PC: variants seen among roughly 807,000 people sequenced by gnomAD.
PC encodes the protein pyruvate carboxylase, mitochondrial.
In PC, 46 loss-of-function variants were observed where a neutral mutation model predicts 107.8. The ratio of observed to expected loss-of-function variants is 0.43; its 90% confidence interval spans 0.34 to 0.55. The LOEUF (loss-of-function observed/expected upper bound fraction) is 0.55, where lower values mean the gene tolerates loss of function less well. PC is among the 20% of genes least tolerant of loss of function. PC has a pLI of 0.04. For synonymous variants in PC, 662 were observed against 684.7 expected (o/e 0.97, Z 0.52); for missense variants, 1,241 against 1,643.1 (o/e 0.76, Z 4.23).
Position 66,849,768 on chromosome 11 carries a change from C to T in PC, c.2990G>A (p.Arg997Gln), listed in dbSNP as rs369282319. The change falls in exon 21 of 23, where the codon CGG becomes CAG. Residue 997 changes from arginine to glutamine, a missense_variant. Coordinates refer to ENST00000393960, the MANE Select transcript of PC (RefSeq NM_001040716.2). ...LQALEKELVDRHGEEVTPEDV... is the reference protein window; with the variant it reads ...LQALEKELVDQHGEEVTPEDV... The stretch of plus-strand genomic sequence containing the variant: ...TTCCGGCGTCACCTCCTCCCCATGC[C>T]GGTCTACCAGCTCCTTCTCCAGTGC... 2.0e-5 allele frequency: 32 copies of T among 1,614,046 alleles called. No individual in the cohort carries two copies. The highest frequency in any genetic ancestry group is 1.6e-4 in the Middle Eastern group (1 of 6,084).
At chr11:66,905,880 C>T (rs1486120997) in intron 3 of PC, among the ~76,000 whole-genome samples, 1 of 152,106 alleles carries the variant, frequency 6.6e-6, no homozygotes, top group African/African-American at 2.4e-5. Context: ...CAGGGCATCA[C>T]CACTCACCTG....
intron 12 of PC, among the ~76,000 whole-genome samples, chr11:66,863,113 G>A (rs1463961457): frequency 8.5e-5 from 13 of 152,158 alleles, no homozygotes; most frequent in African/African-American, 1.7e-4. Context: ...AGGTCAAGGC[G>A]GGTGGAACAC....
chr11:66,934,478 C>A (rs1390586684), intron 3 of PC: 1 of 154,160 alleles, frequency 6.5e-6, no homozygotes, highest in African/African-American at 2.4e-5. Flanking sequence ...GAAGGAAGGT[C>A]TTACTGCCCT....
Position 66,857,837 on chromosome 11 carries a change from C to T in PC, c.1369-4454G>A. ...GCCAGAACCTGTCCGAGTCGCTCAG[C>T]ACCCTCTGTGCCCACCGAGGCCTGC... On this transcript the variant is annotated intron_variant, in intron 12 of 22. Transcript: ENST00000393960. This position sits in a 1 kb window ranked among gnomAD's most constrained non-coding sequence, Gnocchi z 7.1. 6.2e-7 allele frequency: 1 copy of T among 1,606,486 alleles called. No individual in the cohort carries two copies.
rs1396848580 is a variant in PC, at chr11:66,849,586, G to A, written c.3147+25C>T. On this transcript the variant is annotated intron_variant, in intron 21 of 22. Transcript: ENST00000393960. The stretch of plus-strand genomic sequence containing the variant: ...CTGGGGCAGGGGGCCAGGGTGGAGT[G>A]TGGAGAAGCGCCAGAGCCACTGACC... The A allele has an allele frequency of 5.0e-6, 8 of 1,614,016 alleles. No individual in the cohort carries two copies. In the Admixed American group the frequency reaches 1.2e-4, roughly 24 times the overall value.
chr11:66,852,510 TGGGTGCGCACAC>T lies in PC; in HGVS notation c.1742_1753del (p.Arg581_Thr584del). ...ATAGGGGGCGATCTTTTTGAGATCGTGGGTGCGCACACGAGTGGCCAGCAGTGACTGGTGGGC... is the reference window on the plus strand; with the variant it reads ...ATAGGGGGCGATCTTTTTGAGATCGTGAGTGGCCAGCAGTGACTGGTGGGC... On this transcript the variant is annotated inframe_deletion, in exon 15 of 23. Transcript: ENST00000393960. The surrounding 1 kb of genome is among the most constrained non-coding windows in gnomAD (Gnocchi z 4.7). The T allele has an allele frequency of 6.2e-7, 1 of 1,614,054 alleles. No individual in the cohort carries two copies. Among genetic ancestry groups the T allele is most frequent in the Non-Finnish European group, 8.5e-7 (1 of 1,180,022 alleles).
chr11:66,856,598 G>A (rs1019993637), intron 12 of PC: 1 of 152,630 alleles, frequency 6.6e-6, no homozygotes, highest in South Asian at 2.1e-4. Flanking sequence ...GTGAACGCAA[G>A]GGTCCCAGCA....
In PC at chr11:66,858,204, TACA is replaced by T. The variant is rs2135862528; in HGVS notation, c.1369-4824_1369-4822del. ...GAGCCTGGAGGACCTGGACCTGTCC[TACA>T]ACAACCTCCGGCAGGTGCCCTGGGC... On this transcript the variant is annotated intron_variant, in intron 12 of 22. Transcript: ENST00000393960. The surrounding 1 kb of genome is among the most constrained non-coding windows in gnomAD (Gnocchi z 5.9). 1.9e-6 allele frequency: 3 copies of T among 1,612,446 alleles called. No individual in the cohort carries two copies. Among genetic ancestry groups the T allele is most frequent in the East Asian group, 2.2e-5 (1 of 44,866 alleles).
At chr11:66,908,223 G>T (rs555520334) in intron 3 of PC, among the ~76,000 whole-genome samples, 4 of 152,150 alleles carry the variant, frequency 2.6e-5, no homozygotes, top group Admixed American at 6.6e-5. Context: ...CTAAGGAAAG[G>T]AGCAGAAGAT....
At chr11:66,855,871 C>G (rs376012287) in intron 12 of PC, among the ~76,000 whole-genome samples, 1 of 152,238 alleles carries the variant, frequency 6.6e-6, no homozygotes, top group African/African-American at 2.4e-5. Context: ...GTAACGTGCC[C>G]AGGACTACAC....
At chr11:66,853,074 T>C in intron 13 of PC, 165 bp downstream of exon 13, 1 of 774,612 alleles carries the variant, frequency 1.3e-6, no homozygotes, top group Non-Finnish European at 2.1e-6. Flanking sequence ...GAGCAGTGAA[T>C]GGCAGGGTGC....
In PC at chr11:66,858,671, G is replaced by A. The variant is rs367785957; in HGVS notation, c.1368+5103C>T. ...GGTGCCGGGCCCTGGGTGACCCCGC[G>A]CCTACCATGCACTGGGTCGGTCCTG... On this transcript the variant is annotated intron_variant, in intron 12 of 22. Transcript: ENST00000393960. This position sits in a 1 kb window ranked among gnomAD's most constrained non-coding sequence, Gnocchi z 5.9. 2.3e-5 allele frequency: 36 copies of A among 1,545,290 alleles called. No individual in the cohort carries two copies. Among genetic ancestry groups the A allele is most frequent in the African/African-American group, 1.2e-4 (9 of 73,242 alleles).
At chr11:66,924,203 GAAA>G (rs538266818) in intron 3 of PC, among the ~76,000 whole-genome samples, 1 of 82,968 alleles carries the variant, frequency 1.2e-5, no homozygotes, top group Non-Finnish European at 2.5e-5. Context: ...CTCTATCTCA[GAAA>G]AAAAAAAAAA....
At position 66,858,344 on chromosome 11, in the gene PC, C is replaced by T. The variant is rs1165673703; in HGVS notation, c.1369-4961G>A. ...TCGGTCAGCTCTCCCGCCTGGACCT[C>T]ACCTCCAACCGCCTGGCCACGCTGG... On this transcript the variant is annotated intron_variant, in intron 12 of 22. Coordinates refer to ENST00000393960, the MANE Select transcript of PC (RefSeq NM_001040716.2). This position sits in a 1 kb window ranked among gnomAD's most constrained non-coding sequence, Gnocchi z 5.9. 1.2e-6 allele frequency: 2 copies of T among 1,603,096 alleles called. No homozygotes were observed. The highest frequency in any genetic ancestry group is 1.7e-6 in the Non-Finnish European group (2 of 1,177,668).
At chr11:66,924,692 C>G (rs1948673470) in intron 3 of PC, among the ~76,000 whole-genome samples, 1 of 152,186 alleles carries the variant, frequency 6.6e-6, no homozygotes, top group Non-Finnish European at 1.5e-5. Flanking sequence ...AACTCCTCAG[C>G]TCAAGCAATC....
chr11:66,849,566 G>T, intron 21 of PC, 45 bp downstream of exon 21: 1 of 1,613,692 alleles, frequency 6.2e-7, no homozygotes, highest in African/African-American at 1.3e-5. Flanking sequence ...GAGCTCTGGG[G>T]CAGGGGGCCA....
intron 3 of PC, among the ~76,000 whole-genome samples, chr11:66,901,479 T>A (rs534055285): frequency 1.3e-4 from 19 of 151,908 alleles, no homozygotes; most frequent in Non-Finnish European, 2.4e-4. Context: ...ATTTATTTAT[T>A]TTTTTTTGGA....
rs201975428 is a variant in PC at position 66,871,236 on chromosome 11, C to T, written c.488-39G>A. 9.7e-4 allele frequency: 1,558 copies of T among 1,613,178 alleles called. 6 individuals carry two copies. The highest frequency in any genetic ancestry group is 1.1e-3 in the Non-Finnish European group (1,348 of 1,179,472). ...GGTGTGGGGGAGTCTCTGTAACAGGCGGGAATCCCTGCCACCCCTCCCTGC... is the reference window on the plus strand; with the variant it reads ...GGTGTGGGGGAGTCTCTGTAACAGGTGGGAATCCCTGCCACCCCTCCCTGC... On this transcript the variant is annotated intron_variant, in intron 6 of 22. Transcript: ENST00000393960. The surrounding 1 kb of genome is among the most constrained non-coding windows in gnomAD (Gnocchi z 7.4).
chr11:66,905,776 C>T (rs957794433), intron 3 of PC, among the ~76,000 whole-genome samples: 7 of 152,094 alleles, frequency 4.6e-5, no homozygotes, highest in Non-Finnish European at 1.0e-4. Context: ...GTGGGGAGGG[C>T]TGCTGCCCAC....
Sources: allele counts gnomAD v4.1 joint callset (sites outside exome capture counted in the v4.1 genomes callset), GRCh38; gene constraint gnomAD v4.1.1; non-coding constraint Gnocchi (gnomAD v3.1); transcripts MANE v1.5; gene names NCBI Gene and HGNC (gene_info 2026-07-23, HGNC 2026-07-21).